Variants in GPBP1 observed in about 807,000 individuals in gnomAD.
GPBP1 encodes the protein vasculin.
In GPBP1, 13 loss-of-function variants were observed where a neutral mutation model predicts 56.5. The ratio of observed to expected loss-of-function variants is 0.23; its 90% CI spans 0.15 to 0.37. The LOEUF (loss-of-function observed/expected upper bound fraction) is 0.37. Ranked by LOEUF, GPBP1 falls within the 10% of genes least tolerant of loss-of-function variation. The pLI is 1.00. For synonymous variants in GPBP1, 204 were observed against 188.9 expected, an observed-to-expected ratio of 1.08 and a Z score of -0.66; for missense variants, 477 against 572.3, an observed-to-expected ratio of 0.83 and a Z score of 1.70.
chr5:57,180,745 G>T (rs961949263), intron 2 of GPBP1, among the ~76,000 whole-genome samples: 5 of 151,976 alleles, frequency 3.3e-5, no homozygotes, highest in Admixed American at 6.6e-5. Context: ...AGATTTTTTT[G>T]GGGTTTTTTG....
At chr5:57,239,009 A>G (rs951418946) in intron 6 of GPBP1, among the ~76,000 whole-genome samples, 4 of 152,236 alleles carry the variant, frequency 2.6e-5, no homozygotes, top group East Asian at 1.9e-4. Flanking sequence ...ATGAAAGCCA[A>G]TGGGGATTGA....
intron 10 of GPBP1, among the ~76,000 whole-genome samples, chr5:57,259,317 CAG>C (rs1346051627): frequency 2.0e-5 from 3 of 152,128 alleles, no homozygotes; most frequent in African/African-American, 7.2e-5. Flanking sequence ...TTCAAGGTCT[CAG>C]ATATTCTGTG....
intron 3 of GPBP1, among the ~76,000 whole-genome samples, chr5:57,220,836 T>A (rs1161025010): frequency 1.3e-5 from 2 of 151,440 alleles, no homozygotes; most frequent in Non-Finnish European, 3.0e-5. Context: ...CAATACTTTC[T>A]AGTGATACTT....
intron 9 of GPBP1, among the ~76,000 whole-genome samples, chr5:57,250,731 G>T (rs796200808): frequency 6.6e-6 from 1 of 151,952 alleles, no homozygotes; most frequent in Non-Finnish European, 1.5e-5. Flanking sequence ...TTTTAGTAGA[G>T]ATGGGGTTTC....
At chr5:57,200,097 G>C (rs1405759216) in intron 2 of GPBP1, among the ~76,000 whole-genome samples, 1 of 98,494 alleles carries the variant, frequency 1.0e-5, no homozygotes, top group African/African-American at 4.0e-5. Flanking sequence ...AAGTGACTTT[G>C]TTGCCTCACC....
chr5:57,220,340 A>G lies in GPBP1; in HGVS notation c.63+6147A>G, dbSNP rs575251951. On this transcript the variant is annotated intron_variant, in intron 3 of 11. Transcript: ENST00000506184. Reference sequence around the variant, plus strand: ...CAATGCTTTTTGGACCTGACTCTTGATTAATTTATATAGGCCCTCATAATG... The same window carrying G: ...CAATGCTTTTTGGACCTGACTCTTGGTTAATTTATATAGGCCCTCATAATG... Among the ~76,000 whole-genome samples the G allele has an allele frequency of 7.9e-5, 12 of 152,140 alleles. No homozygotes were observed. In the South Asian group the frequency reaches 1.0e-3, roughly 13 times the overall value.
At chr5:57,189,034 C>T (rs1327274208) in intron 2 of GPBP1, among the ~76,000 whole-genome samples, 2 of 152,160 alleles carry the variant, frequency 1.3e-5, no homozygotes, top group African/African-American at 2.4e-5. Context: ...CTCTTGTTGC[C>T]TAGGCTGGAG....
chr5:57,237,591 A>C (rs2111883675), intron 6 of GPBP1: 2 of 166,350 alleles, frequency 1.2e-5, no homozygotes, highest in East Asian at 3.1e-4. Context: ...GAAAATGGTT[A>C]ATTGTGGAAT....
At chr5:57,232,925 G>A (rs1281642150) in intron 5 of GPBP1, among the ~76,000 whole-genome samples, 1 of 152,200 alleles carries the variant, frequency 6.6e-6, no homozygotes, top group Middle Eastern at 3.2e-3. Context: ...TAAAAGGCTA[G>A]TATGAGTAAA....
At chr5:57,182,229 A>G (rs758171445) in intron 2 of GPBP1, among the ~76,000 whole-genome samples, 14 of 149,880 alleles carry the variant, frequency 9.3e-5, no homozygotes, top group Non-Finnish European at 2.1e-4. Flanking sequence ...GATTACAGGC[A>G]CCTGCCATCA....
intron 7 of GPBP1, 103 bp from the exon 8 acceptor site, chr5:57,246,972 A>G (rs944895111): frequency 1.1e-6 from 1 of 911,976 alleles, no homozygotes; most frequent in African/African-American, 1.7e-5. Flanking sequence ...AATTGTTTCC[A>G]TGAGCCTAGC....
At chr5:57,201,398 T>A (rs778020686) in intron 2 of GPBP1, among the ~76,000 whole-genome samples, 7 of 152,142 alleles carry the variant, frequency 4.6e-5, no homozygotes, top group Non-Finnish European at 1.0e-4. Context: ...TTAAAAATTT[T>A]TAGTAGGGAT....
chr5:57,225,448 C>G (rs979050576), intron 3 of GPBP1, among the ~76,000 whole-genome samples: 2 of 140,346 alleles, frequency 1.4e-5, no homozygotes, highest in Admixed American at 1.5e-4. Flanking sequence ...GAGCCAAGAT[C>G]GTGCCACTGC....
At chr5:57,183,156 A>G (rs1198696632) in intron 2 of GPBP1, among the ~76,000 whole-genome samples, 19 of 152,018 alleles carry the variant, frequency 1.2e-4, no homozygotes, top group Admixed American at 1.2e-3. Context: ...ACCTGAGGTC[A>G]GGAGTTCAAG....
intron 3 of GPBP1, among the ~76,000 whole-genome samples, chr5:57,214,798 GGT>G (rs1330990744): frequency 1.6e-4 from 24 of 152,198 alleles, no homozygotes; most frequent in African/African-American, 5.5e-4. Flanking sequence ...TGGGATTACA[GGT>G]GTGGGTCACC....
At chr5:57,206,532 G>A (rs1206631067) in intron 2 of GPBP1, among the ~76,000 whole-genome samples, 1 of 152,126 alleles carries the variant, frequency 6.6e-6, no homozygotes, top group Non-Finnish European at 1.5e-5. Context: ...CCAAGTAACT[G>A]GGATTACAGG....
intron 2 of GPBP1, among the ~76,000 whole-genome samples, chr5:57,192,892 T>G (rs976316864): frequency 2.4e-4 from 36 of 152,220 alleles, no homozygotes; most frequent in African/African-American, 8.4e-4. Context: ...GTTAAGAGTT[T>G]CAGCTACTAT....
At chr5:57,256,918 A>T (rs749064827) in intron 10 of GPBP1, among the ~76,000 whole-genome samples, 50 of 152,142 alleles carry the variant, frequency 3.3e-4, no homozygotes, top group Non-Finnish European at 1.3e-4. Flanking sequence ...TCAAAATGGA[A>T]TGTTACTTCT....
rs372723730 is a variant in GPBP1, at chr5:57,231,368, A to G, written c.411+47A>G. 801 of 1,434,944 alleles carry G rather than the reference A, an allele frequency of 5.6e-4. 4 individuals are homozygous for G. The African/African-American group carries it at 0.01, about 18-fold the overall frequency. 88.9% of individuals were successfully genotyped at this position (1,434,944 alleles called of 1,614,324 possible). On this transcript the variant is annotated intron_variant, in intron 5 of 11. Transcript: ENST00000506184. Reference sequence around the variant, plus strand: ...TACAAATGAAGTTTCTGTAAGTGCTATTTTAAGTGATTCTCCTGCCTCAGC... The same window carrying G: ...TACAAATGAAGTTTCTGTAAGTGCTGTTTTAAGTGATTCTCCTGCCTCAGC...
Sources: allele counts gnomAD v4.1 joint callset (sites outside exome capture counted in the v4.1 genomes callset), GRCh38; gene constraint gnomAD v4.1.1; transcripts MANE v1.5; gene names NCBI Gene and HGNC (gene_info 2026-07-23, HGNC 2026-07-21).